EYS: variants seen among roughly 807,000 people sequenced by gnomAD.
EYS encodes protein eyes shut homolog.
EYS carries 250 observed loss-of-function variants against 282.1 expected under a neutral mutation model. The observed-to-expected ratio is 0.89, with a 90% CI of 0.80 to 0.98. The LOEUF is 0.98. Among genes scored for constraint, EYS ranks in the 50% least tolerant of loss-of-function variants. The probability of loss-of-function intolerance (pLI) is 0.00; values close to 1 mark genes in which losing one functional copy is unlikely to be tolerated. For synonymous variants in EYS, 1,355 were observed against 1,282.9 expected, an observed-to-expected ratio of 1.06 and a Z score of -1.20; for missense variants, 4,016 against 3,709.0, an observed-to-expected ratio of 1.08 and a Z score of -2.15.
chr6:65,120,696 C>T (rs1417754347), intron 12 of EYS, among the ~76,000 whole-genome samples: 5 of 152,142 alleles, frequency 3.3e-5, no homozygotes, highest in African/African-American at 1.2e-4. Flanking sequence ...ATATCATCCT[C>T]TCTTTCTGTG....
At chr6:64,565,229 T>C (rs925738538) in intron 26 of EYS, among the ~76,000 whole-genome samples, 1 of 152,178 alleles carries the variant, frequency 6.6e-6, no homozygotes, top group Admixed American at 6.5e-5. Context: ...GTTGCTTGTG[T>C]TTTTTGATGC....
rs541096883 is a variant in EYS, at chr6:64,303,735, G to A, written c.6191+3235C>T. ...GCGCGCCTGTAGTCCCAGCTACACGGGAGGCTGAGGCAGGAGAATGGCGTG... is the reference window on the plus strand; with the variant it reads ...GCGCGCCTGTAGTCCCAGCTACACGAGAGGCTGAGGCAGGAGAATGGCGTG... On this transcript the variant is annotated intron_variant, in intron 30 of 42. Transcript: ENST00000503581. 3.3e-5 allele frequency among the ~76,000 whole-genome samples: 5 copies of A among 151,118 alleles called. No homozygotes were observed. The South Asian group carries it at 6.4e-4, about 19-fold the overall frequency.
At chr6:64,200,561 G>A (rs1295455863) in intron 31 of EYS, among the ~76,000 whole-genome samples, 1 of 152,108 alleles carries the variant, frequency 6.6e-6, no homozygotes, top group Non-Finnish European at 1.5e-5. Context: ...GTGTCATTCT[G>A]TCCTATCTCT....
At chr6:64,302,132 A>G (rs1278967345) in intron 30 of EYS, among the ~76,000 whole-genome samples, 3 of 152,180 alleles carry the variant, frequency 2.0e-5, no homozygotes, top group African/African-American at 4.8e-5. Flanking sequence ...TGCCCGGTTT[A>G]TTGGCTTATG....
chr6:64,707,886 A>C (rs914834964), intron 22 of EYS, among the ~76,000 whole-genome samples: 1 of 152,084 alleles, frequency 6.6e-6, no homozygotes, highest in African/African-American at 2.4e-5. Flanking sequence ...AAGAAAAAAA[A>C]CATGAAGTTG....
At chr6:64,418,305 A>T (rs1278791728) in intron 28 of EYS, among the ~76,000 whole-genome samples, 1 of 152,244 alleles carries the variant, frequency 6.6e-6, no homozygotes, top group Admixed American at 6.5e-5. Flanking sequence ...ATATTAAAGT[A>T]TGTATCTTAA....
chr6:64,705,155 C>T (rs1200495101), intron 22 of EYS, among the ~76,000 whole-genome samples: 1 of 152,122 alleles, frequency 6.6e-6, no homozygotes, highest in Non-Finnish European at 1.5e-5. Context: ...TTAATGTACA[C>T]AAATCTGCAG....
chr6:64,452,619 C>G (rs1426763879), intron 26 of EYS, among the ~76,000 whole-genome samples: 5 of 152,114 alleles, frequency 3.3e-5, no homozygotes. Flanking sequence ...TACTACAAGG[C>G]TACAGTAACC....
chr6:65,086,690 G>A (rs1181458429), intron 12 of EYS, among the ~76,000 whole-genome samples: 1 of 152,062 alleles, frequency 6.6e-6, no homozygotes, highest in Non-Finnish European at 1.5e-5. Flanking sequence ...TGAATAAAAG[G>A]TCTGTCTGCA....
intron 1 of EYS, among the ~76,000 whole-genome samples, chr6:65,702,047 G>A (rs954097005): frequency 6.6e-6 from 1 of 152,114 alleles, no homozygotes; most frequent in Non-Finnish European, 1.5e-5. Context: ...ACTGACATGT[G>A]CTTAACAAAT....
At chr6:64,656,098 A>G (rs1768733217) in intron 22 of EYS, among the ~76,000 whole-genome samples, 1 of 152,146 alleles carries the variant, frequency 6.6e-6, no homozygotes, top group Admixed American at 6.6e-5. Flanking sequence ...CTATTATGTT[A>G]TGAGGTATTG....
At chr6:65,122,982 T>C (rs1193505466) in intron 12 of EYS, among the ~76,000 whole-genome samples, 1 of 152,102 alleles carries the variant, frequency 6.6e-6, no homozygotes, top group Non-Finnish European at 1.5e-5. Context: ...TTAGTCGTGA[T>C]TTCTAAAAAA....
chr6:64,857,946 G>A (rs951257292), intron 19 of EYS, among the ~76,000 whole-genome samples: 1 of 151,966 alleles, frequency 6.6e-6, no homozygotes, highest in Non-Finnish European at 1.5e-5. Flanking sequence ...TTTAAATTAG[G>A]TTGTTTTCTT....
Position 63,806,344 on chromosome 6 carries a change from A to T in EYS, c.7257T>A (p.Ser2419Arg). The change falls in exon 37 of 43, where the codon AGT becomes AGA. Residue 2419 changes from serine (S) to arginine (R), a missense_variant. Transcript: ENST00000503581. ...AGGTGTATCCAAAGGCATCTGTGCCACTGAACCTTGGCTGAGTAATATTAA... is the reference window on the plus strand; with the variant it reads ...AGGTGTATCCAAAGGCATCTGTGCCTCTGAACCTTGGCTGAGTAATATTAA... ...DAINITQPRF[S>R]GTDAFGYTSF... 6.5e-7 allele frequency: 1 copy of T among 1,549,650 alleles called. No homozygotes were observed. The highest frequency in any genetic ancestry group is 8.7e-7 in the Non-Finnish European group (1 of 1,145,556).
intron 33 of EYS, among the ~76,000 whole-genome samples, chr6:64,017,099 T>C (rs1768930010): frequency 6.6e-6 from 1 of 151,772 alleles, no homozygotes; most frequent in African/African-American, 2.4e-5. Context: ...ACTGAACTCT[T>C]ATATGAGTGC....
At chr6:64,154,840 C>G (rs1354658783) in intron 31 of EYS, among the ~76,000 whole-genome samples, 3 of 151,754 alleles carry the variant, frequency 2.0e-5, no homozygotes, top group Non-Finnish European at 4.4e-5. Flanking sequence ...TTTTTTCTTT[C>G]CAGTCTCTAT....
intron 13 of EYS, among the ~76,000 whole-genome samples, chr6:65,029,579 G>C (rs936110435): frequency 2.6e-5 from 4 of 151,844 alleles, no homozygotes. Flanking sequence ...GACCTCTTCT[G>C]CCTCTGCCAC....
At chr6:65,282,142 A>G (rs1768240850) in intron 12 of EYS, among the ~76,000 whole-genome samples, 1 of 151,902 alleles carries the variant, frequency 6.6e-6, no homozygotes, top group South Asian at 2.1e-4. Context: ...AAAAAAATAT[A>G]TATATAGTTC....
At chr6:64,330,168 G>T (rs2150389884) in intron 29 of EYS, among the ~76,000 whole-genome samples, 1 of 152,294 alleles carries the variant, frequency 6.6e-6, no homozygotes, top group African/African-American at 2.4e-5. Context: ...CGTGTTCTGT[G>T]GGAGGCTGGC....
Sources: allele counts gnomAD v4.1 joint callset (sites outside exome capture counted in the v4.1 genomes callset), GRCh38; gene constraint gnomAD v4.1.1; transcripts MANE v1.5; gene names NCBI Gene and HGNC (gene_info 2026-07-23, HGNC 2026-07-21).